Variants in PCDH19 observed in about 807,000 individuals in gnomAD.
PCDH19 encodes protocadherin 19, also known as protocadherin-19.
In PCDH19, 6 loss-of-function variants were observed where a neutral mutation model predicts 46.2. That is an observed-to-expected ratio of 0.13 (90% CI 0.07 to 0.26). The LOEUF (loss-of-function observed/expected upper bound fraction) is 0.26. Ranked by LOEUF, PCDH19 falls within the 10% of genes least tolerant of loss-of-function variation. PCDH19 has a pLI of 1.00. For synonymous variants in PCDH19, 481 were observed against 415.7 expected (o/e 1.16, Z -1.91); for missense variants, 740 against 972.3 (o/e 0.76, Z 3.18).
chrX:100,360,197 A>G (rs1926842399), intron 3 of PCDH19, among the ~76,000 whole-genome samples: 1 of 111,569 alleles, frequency 9.0e-6, no homozygotes, highest in South Asian at 3.7e-4. Flanking sequence ...GCCACTAAAA[A>G]CCCAGTTGCC....
At chrX:100,342,577 C>T (rs1926285891) in intron 4 of PCDH19, among the ~76,000 whole-genome samples, 1 of 111,701 alleles carries the variant, frequency 9.0e-6, no homozygotes, top group Non-Finnish European at 1.9e-5. Context: ...AGTGAGATAA[C>T]TCGCCCAAGG....
At chrX:100,322,863 A>ATTT (rs1358059816) in intron 5 of PCDH19, among the ~76,000 whole-genome samples, 1 of 40,119 alleles carries the variant, frequency 2.5e-5, no homozygotes, top group Non-Finnish European at 5.5e-5. Context: ...ATATATATAT[A>ATTT]TATTTTTGCA....
chrX:100,340,724 A>G (rs768923628), intron 5 of PCDH19, among the ~76,000 whole-genome samples: 10 of 112,150 alleles, frequency 8.9e-5, no homozygotes, highest in Non-Finnish European at 1.5e-4. Flanking sequence ...AGACAATTTA[A>G]TAGAATCTAC....
At chrX:100,323,568 G>A (rs1334911739) in intron 5 of PCDH19, among the ~76,000 whole-genome samples, 3 of 111,739 alleles carry the variant, frequency 2.7e-5, no homozygotes, top group Non-Finnish European at 5.6e-5. Context: ...AAACATTGGT[G>A]GATGGCATCT....
At chrX:100,311,706 G>A (rs905346511) in intron 5 of PCDH19, among the ~76,000 whole-genome samples, 2 of 111,109 alleles carry the variant, frequency 1.8e-5, no homozygotes, top group Admixed American at 9.6e-5. Context: ...GATAGTGTGT[G>A]TGTTTTGTCA....
At chrX:100,347,736 G>T (rs1196968150) in intron 4 of PCDH19, among the ~76,000 whole-genome samples, 2 of 110,961 alleles carry the variant, frequency 1.8e-5, no homozygotes, top group African/African-American at 6.6e-5. Flanking sequence ...TGGATAAGTA[G>T]AAAGTGAATA....
At chrX:100,323,931 G>A (rs886310957) in intron 5 of PCDH19, among the ~76,000 whole-genome samples, 5 of 111,382 alleles carry the variant, frequency 4.5e-5, no homozygotes, top group African/African-American at 9.8e-5. Flanking sequence ...TGTGTGTGAC[G>A]AGAGAGGAGG....
intron 5 of PCDH19, among the ~76,000 whole-genome samples, chrX:100,302,301 C>T (rs1405354582): frequency 4.5e-5 from 5 of 111,925 alleles, no homozygotes; most frequent in East Asian, 2.8e-4. Context: ...TTATTACTAG[C>T]GGTTAAACAC....
intron 3 of PCDH19, among the ~76,000 whole-genome samples, chrX:100,358,712 T>C (rs760070767): frequency 3.6e-5 from 4 of 112,353 alleles, no homozygotes; most frequent in African/African-American, 1.3e-4. Context: ...TTGTGGGGCA[T>C]AGTGCACTCT....
intron 3 of PCDH19, among the ~76,000 whole-genome samples, chrX:100,363,661 G>C (rs2147503020): frequency 1.0e-5 from 1 of 97,418 alleles, no homozygotes; most frequent in Admixed American, 1.2e-4. Context: ...TATATATTCT[G>C]TACATGATAA....
At chrX:100,381,552 A>G (rs1602620134) in intron 3 of PCDH19, among the ~76,000 whole-genome samples, 1 of 111,853 alleles carries the variant, frequency 8.9e-6, no homozygotes, top group East Asian at 2.8e-4. Flanking sequence ...AGCACATCCC[A>G]TGGAACATTT....
chrX:100,345,367 T>C (rs1179509047), intron 4 of PCDH19, among the ~76,000 whole-genome samples: 2 of 111,748 alleles, frequency 1.8e-5, no homozygotes, highest in Non-Finnish European at 3.8e-5. Flanking sequence ...TCTTCTAACA[T>C]TAAAGAACAG....
intron 3 of PCDH19, among the ~76,000 whole-genome samples, chrX:100,366,645 A>G (rs1462198951): frequency 1.8e-5 from 2 of 112,424 alleles, no homozygotes; most frequent in Non-Finnish European, 3.8e-5. Context: ...CAAGGTTACA[A>G]GGAAAATGTT....
chrX:100,363,886 T>TGTGTGTGTGTGTGA (rs1207488480), intron 3 of PCDH19, among the ~76,000 whole-genome samples: 109 of 98,036 alleles, frequency 1.1e-3, no homozygotes, highest in African/African-American at 1.8e-3. Flanking sequence ...TGTGTGTGTG[T>TGTGTGTGTGTGTGA]GAGAGAGAGG....
chrX:100,293,975 C>T lies in PCDH19; in HGVS notation c.*2302G>A, dbSNP rs906998136. The T allele has an allele frequency of 9.0e-6, 1 of 111,624 alleles. No homozygotes were observed. The highest frequency in any genetic ancestry group is 3.7e-4 in the South Asian group (1 of 2,670). The allele number at this position is 111,624 out of a possible 1,213,427, so 9.2% of individuals were successfully genotyped here. On this transcript the variant is annotated 3_prime_UTR_variant, in exon 6 of 6. Transcript: ENST00000373034. The stretch of plus-strand genomic sequence containing the variant: ...TTTCTGCTCCCTGGTTCCCACTGAG[C>T]ATAGCAAGAAATACACCTGTAGAAA...
chrX:100,410,189 C>T lies in PCDH19; in HGVS notation c.-1592G>A, dbSNP rs1365546628. The T allele has an allele frequency of 1.0e-5, 3 of 295,162 alleles. No individual in the cohort carries two copies. Among genetic ancestry groups the T allele is most frequent in the African/African-American group, 2.8e-5 (1 of 36,249 alleles). The allele number at this position is 295,162 out of a possible 1,213,427, so 24.3% of individuals were successfully genotyped here. The stretch of plus-strand genomic sequence containing the variant: ...GCATGGTGCACGGGAGCTGTGCTGC[C>T]GTCTGTGCCCGCTCGTCCGTCTCCG... On this transcript the variant is annotated 5_prime_UTR_variant, in exon 1 of 6. Coordinates refer to ENST00000373034, the MANE Select transcript of PCDH19 (RefSeq NM_001184880.2).
chrX:100,351,195 C>G (rs1318629489), intron 3 of PCDH19, among the ~76,000 whole-genome samples: 2 of 112,937 alleles, frequency 1.8e-5, no homozygotes, highest in Admixed American at 1.9e-4. Flanking sequence ...AAGACATTTG[C>G]TCAGCACTGG....
At chrX:100,301,296 T>A (rs1482833356) in intron 5 of PCDH19, among the ~76,000 whole-genome samples, 3 of 112,041 alleles carry the variant, frequency 2.7e-5, no homozygotes, top group Non-Finnish European at 3.8e-5. Flanking sequence ...TCACAATGGA[T>A]GTGTTTGATA....
rs753792839 is a variant in PCDH19 at position 100,403,515 on chromosome X, C to T, written c.2288+9G>A. The T allele has an allele frequency of 2.5e-6, 3 of 1,204,506 alleles. No individual in the cohort carries two copies. Among genetic ancestry groups the T allele is most frequent in the Non-Finnish European group, 3.4e-6 (3 of 893,092 alleles). On this transcript the variant is annotated intron_variant, in intron 2 of 5. Transcript: ENST00000373034. ...AAACCCATTTAAATGAGGGGAAATG[C>T]CTTTTTACCTCTTTCCCCTTAGGCT...
Sources: gnomAD v4.1 joint callset for allele counts (sites outside exome capture counted in the v4.1 genomes callset) on GRCh38, gnomAD v4.1.1 for gene constraint, MANE v1.5 for transcripts, NCBI Gene and HGNC (gene_info 2026-07-23, HGNC 2026-07-21) for gene names.